LRBA: variants seen among roughly 807,000 people sequenced by gnomAD.
LRBA encodes the protein LPS responsive beige-like anchor protein.
In LRBA, 176 loss-of-function variants were observed where a neutral mutation model predicts 330.0. That is an observed-to-expected ratio of 0.53 (90% confidence interval 0.47 to 0.60). The LOEUF (loss-of-function observed/expected upper bound fraction) is 0.60. Among genes scored for constraint, LRBA ranks in the 20% least tolerant of loss-of-function variants. LRBA has a pLI of 0.00. For synonymous variants in LRBA, 1,230 were observed against 1,193.0 expected, an observed-to-expected ratio of 1.03 and a Z score of -0.64; for missense variants, 3,259 against 3,444.8, an observed-to-expected ratio of 0.95 and a Z score of 1.35.
chr4:150,908,269 G>A, intron 11 of LRBA, 65 bp downstream of exon 11: 3 of 1,513,196 alleles, frequency 2.0e-6, no homozygotes, highest in Non-Finnish European at 2.7e-6. Context: ...GCAAAATATT[G>A]TATAGCTCAA....
At chr4:150,779,555 C>T (rs1159609675) in intron 34 of LRBA, among the ~76,000 whole-genome samples, 1 of 151,836 alleles carries the variant, frequency 6.6e-6, no homozygotes, top group African/African-American at 2.4e-5. Context: ...TTTTGAAAAA[C>T]ATAAAAAGTA....
chr4:150,788,477 C>T (rs888971542), intron 34 of LRBA, among the ~76,000 whole-genome samples: 5 of 151,882 alleles, frequency 3.3e-5, no homozygotes, highest in Non-Finnish European at 5.9e-5. Flanking sequence ...CAAGGTTACA[C>T]AGTAAATAAG....
chr4:150,391,972 TAAAAAA>T (rs150931536), intron 47 of LRBA, among the ~76,000 whole-genome samples: 34 of 107,432 alleles, frequency 3.2e-4, no homozygotes, highest in African/African-American at 1.1e-3. Flanking sequence ...TGTTACTCTT[TAAAAAA>T]AAAAAAAAAA....
chr4:150,337,881 C>A (rs1202711672), intron 48 of LRBA, among the ~76,000 whole-genome samples: 1 of 152,098 alleles, frequency 6.6e-6, no homozygotes, highest in African/African-American at 2.4e-5. Context: ...GCTATAAATA[C>A]TAATTGTGTT....
At chr4:150,678,975 T>C (rs1007595852) in intron 37 of LRBA, among the ~76,000 whole-genome samples, 1 of 152,126 alleles carries the variant, frequency 6.6e-6, no homozygotes, top group Non-Finnish European at 1.5e-5. Flanking sequence ...CACTACAAAT[T>C]CATTGATATT....
At chr4:150,926,710 A>G (rs541407517) in intron 4 of LRBA, among the ~76,000 whole-genome samples, 1 of 152,368 alleles carries the variant, frequency 6.6e-6, no homozygotes, top group South Asian at 2.1e-4. Context: ...CATATGCTAA[A>G]TATTGTCAAG....
At chr4:150,613,026 T>C (rs918771634) in intron 37 of LRBA, among the ~76,000 whole-genome samples, 15 of 152,042 alleles carry the variant, frequency 9.9e-5, no homozygotes, top group Non-Finnish European at 1.5e-5. Context: ...GGTCTGAAAA[T>C]TGGAAGCAGT....
intron 11 of LRBA, 27 bp downstream of exon 11, chr4:150,908,307 A>T (rs1038263043): frequency 2.5e-6 from 4 of 1,600,108 alleles, no homozygotes; most frequent in Non-Finnish European, 3.4e-6. Flanking sequence ...CTCACAGCCA[A>T]TTAAAGAAAC....
intron 40 of LRBA, among the ~76,000 whole-genome samples, chr4:150,575,083 A>T (rs536632578): frequency 6.6e-6 from 1 of 152,048 alleles, no homozygotes; most frequent in Non-Finnish European, 1.5e-5. Context: ...TAATAAGGGA[A>T]GATAGGAAGG....
At chr4:150,580,336 C>G (rs1771138572) in intron 40 of LRBA, 1 of 152,010 alleles carries the variant, frequency 6.6e-6, no homozygotes. Context: ...GGACTTATGG[C>G]AACGAGAGAG....
intron 37 of LRBA, 100 bp downstream of exon 37, chr4:150,683,451 C>A: frequency 1.1e-6 from 1 of 907,592 alleles, no homozygotes; most frequent in South Asian, 1.7e-5. Context: ...AATTAAATTA[C>A]TCTCTTCTTC....
At chr4:150,362,119 T>C (rs1738793235) in intron 47 of LRBA, among the ~76,000 whole-genome samples, 1 of 152,094 alleles carries the variant, frequency 6.6e-6, no homozygotes, top group South Asian at 2.1e-4. Flanking sequence ...AAAATTAATA[T>C]ATCAAAAACC....
At chr4:150,788,872 C>T (rs1263161574) in intron 34 of LRBA, among the ~76,000 whole-genome samples, 3 of 152,044 alleles carry the variant, frequency 2.0e-5, no homozygotes, top group Non-Finnish European at 4.4e-5. Context: ...GTCAAGAGTT[C>T]GAGACCTGCC....
At chr4:150,527,566 C>T (rs1017265695) in intron 40 of LRBA, among the ~76,000 whole-genome samples, 1 of 152,248 alleles carries the variant, frequency 6.6e-6, no homozygotes, top group East Asian at 1.9e-4. Flanking sequence ...AACATAAATC[C>T]TAAAATGACA....
intron 46 of LRBA, among the ~76,000 whole-genome samples, chr4:150,416,694 A>G (rs73858563): frequency 0.011 from 1,599 of 152,134 alleles, 24 homozygotes; most frequent in African/African-American, 0.036. Context: ...TTATAATCAC[A>G]CAAAAATTTT....
At chr4:150,923,017 G>C (rs950279228) in intron 4 of LRBA, among the ~76,000 whole-genome samples, 2 of 151,932 alleles carry the variant, frequency 1.3e-5, no homozygotes, top group African/African-American at 4.8e-5. Context: ...CTCAACTTAC[G>C]ATAGGGTTAC....
chr4:150,703,736 C>G (rs1455313775), intron 36 of LRBA, among the ~76,000 whole-genome samples: 3 of 151,956 alleles, frequency 2.0e-5, no homozygotes, highest in Non-Finnish European at 4.4e-5. Flanking sequence ...ACAAACCATA[C>G]AGACCCTTAC....
At chr4:150,718,373 A>G (rs1310996478) in intron 36 of LRBA, among the ~76,000 whole-genome samples, 1 of 152,182 alleles carries the variant, frequency 6.6e-6, no homozygotes, top group African/African-American at 2.4e-5. Flanking sequence ...GAAGGTAATT[A>G]GCAGTAGATA....
intron 29 of LRBA, among the ~76,000 whole-genome samples, chr4:150,830,261 G>A (rs993462512): frequency 9.2e-5 from 14 of 152,188 alleles, no homozygotes; most frequent in Non-Finnish European, 4.4e-5. Flanking sequence ...TTTGGCCCAC[G>A]TTTTAAGGTC....
Sources: allele counts gnomAD v4.1 joint callset (sites outside exome capture counted in the v4.1 genomes callset), GRCh38; gene constraint gnomAD v4.1.1; transcripts MANE v1.5; gene names NCBI Gene and HGNC (gene_info 2026-07-23, HGNC 2026-07-21).